The following SDHB variants were observed in gnomAD, a reference collection of about 807,000 sequenced individuals.
SDHB encodes succinate dehydrogenase complex iron sulfur subunit B.
SDHB carries 21 observed loss-of-function variants against 39.7 expected under a neutral mutation model. That is an observed-to-expected ratio of 0.53 (90% confidence interval 0.37 to 0.76). SDHB has a LOEUF of 0.76. Among genes scored for constraint, SDHB ranks in the 30% least tolerant of loss-of-function variants. SDHB has a pLI of 0.00. For synonymous variants in SDHB, 118 were observed against 117.0 expected, an observed-to-expected ratio of 1.01 and a Z score of -0.06; for missense variants, 343 against 350.9, an observed-to-expected ratio of 0.98 and a Z score of 0.18.
rs1332746573 is a variant in SDHB at position 17,044,742 on chromosome 1, C to T, written c.200+19G>A. The stretch of plus-strand genomic sequence containing the variant: ...TCAAGAACTCTCCTTCAATAGCTGG[C>T]TTTCACAGAGATACTCACTTATTAA... On this transcript the variant is annotated intron_variant, in intron 2 of 7. Coordinates refer to ENST00000375499, the MANE Select transcript of SDHB (RefSeq NM_003000.3). 1 of 1,613,622 alleles carries T rather than the reference C, an allele frequency of 6.2e-7. No homozygotes were observed. Among genetic ancestry groups the T allele is most frequent in the Non-Finnish European group, 8.5e-7 (1 of 1,179,660 alleles).
At chr1:17,048,242 T>C (rs1263482969) in intron 1 of SDHB, among the ~76,000 whole-genome samples, 1 of 152,240 alleles carries the variant, frequency 6.6e-6, no homozygotes, top group Non-Finnish European at 1.5e-5. Flanking sequence ...TCATCTGGTA[T>C]GTAGCCTTTT....
At position 17,053,890 on chromosome 1, in the gene SDHB, C is replaced by T; in HGVS notation, c.72+58G>A. 4 of 1,307,392 alleles carry T rather than the reference C, an allele frequency of 3.1e-6. No homozygotes were observed. The Admixed American group carries it at 7.3e-5, about 24-fold the overall frequency. 81.0% of individuals were successfully genotyped at this position (1,307,392 alleles called of 1,614,324 possible). A position where few individuals can be genotyped will look rare whatever the true frequency, so the allele number is the denominator to read the frequency against. The stretch of plus-strand genomic sequence containing the variant: ...CTCAGTCTCTCCGCAGCCCCATCAG[C>T]TCCAGGCAGTCTCTGTGGCTTTCCT... On this transcript the variant is annotated intron_variant, in intron 1 of 7. Transcript: ENST00000375499.
intron 3 of SDHB, among the ~76,000 whole-genome samples, chr1:17,029,964 G>C (rs531293964): frequency 2.0e-5 from 3 of 152,202 alleles, no homozygotes; most frequent in Non-Finnish European, 4.4e-5. Context: ...CACTTTGGGA[G>C]GCTGAGGTGG....
chr1:17,050,414 C>T (rs1316765909), intron 1 of SDHB, among the ~76,000 whole-genome samples: 3 of 151,558 alleles, frequency 2.0e-5, no homozygotes, highest in South Asian at 2.1e-4. Flanking sequence ...TTTGGGAGGC[C>T]GAGGCAGGTG....
chr1:17,033,662 G>A (rs2078034665), intron 2 of SDHB, among the ~76,000 whole-genome samples: 1 of 152,256 alleles, frequency 6.6e-6, no homozygotes, highest in African/African-American at 2.4e-5. Flanking sequence ...GAGCATCCCT[G>A]GGCGTGGGAC....
intron 3 of SDHB, among the ~76,000 whole-genome samples, chr1:17,030,030 T>C (rs1160886960): frequency 3.3e-5 from 5 of 152,190 alleles, no homozygotes; most frequent in Non-Finnish European, 7.4e-5. Flanking sequence ...GGTAACCCCC[T>C]GTCTCTACTA....
intron 5 of SDHB, among the ~76,000 whole-genome samples, chr1:17,026,850 C>CA (rs2077994236): frequency 6.6e-6 from 1 of 152,202 alleles, no homozygotes; most frequent in Non-Finnish European, 1.5e-5. Flanking sequence ...CTCAGACTCT[C>CA]AAACTCCTGG....
intron 7 of SDHB, among the ~76,000 whole-genome samples, chr1:17,021,192 T>C (rs1219358821): frequency 1.3e-5 from 2 of 152,218 alleles, no homozygotes; most frequent in African/African-American, 4.8e-5. Context: ...TGCAACAGTA[T>C]TGAGAGGTGG....
chr1:17,041,708 A>G (rs140120552), intron 2 of SDHB, among the ~76,000 whole-genome samples: 4 of 152,182 alleles, frequency 2.6e-5, no homozygotes, highest in Non-Finnish European at 1.5e-5. Context: ...AATATGCTGT[A>G]GAGAATCTGG....
chr1:17,028,803 C>A (rs778450044), intron 3 of SDHB, 67 bp from the exon 4 acceptor site: 36 of 1,579,946 alleles, frequency 2.3e-5, no homozygotes, highest in Middle Eastern at 1.7e-4. Flanking sequence ...CAAATACTTT[C>A]TTCTGGATCC....
At chr1:17,040,175 A>G (rs1384989383) in intron 2 of SDHB, among the ~76,000 whole-genome samples, 4 of 152,188 alleles carry the variant, frequency 2.6e-5, no homozygotes, top group Non-Finnish European at 2.9e-5. Context: ...ATGAGAAGTC[A>G]GCAATTTTTC....
At chr1:17,026,917 C>T (rs1041350818) in intron 5 of SDHB, among the ~76,000 whole-genome samples, 1 of 152,174 alleles carries the variant, frequency 6.6e-6, no homozygotes, top group Non-Finnish European at 1.5e-5. Context: ...CAGAATGCAC[C>T]ACTGCATCTG....
intron 5 of SDHB, among the ~76,000 whole-genome samples, chr1:17,027,178 GAA>G (rs2077995618): frequency 6.6e-6 from 1 of 152,150 alleles, no homozygotes; most frequent in African/African-American, 2.4e-5. Context: ...TGTAGAAGAA[GAA>G]AGACTGAAAA....
intron 2 of SDHB, among the ~76,000 whole-genome samples, chr1:17,042,527 T>C (rs979326123): frequency 3.3e-5 from 5 of 152,158 alleles, no homozygotes; most frequent in African/African-American, 9.7e-5. Context: ...CCTGTAATCC[T>C]AGGACTTTGG....
chr1:17,047,621 T>C (rs1188679031), intron 1 of SDHB, among the ~76,000 whole-genome samples: 1 of 151,128 alleles, frequency 6.6e-6, no homozygotes, highest in Non-Finnish European at 1.5e-5. Flanking sequence ...AGGTAAAGGT[T>C]GCAGTGAGCT....
chr1:17,025,679 G>C (rs1301241259), intron 5 of SDHB, among the ~76,000 whole-genome samples: 3 of 152,030 alleles, frequency 2.0e-5, no homozygotes, highest in Non-Finnish European at 4.4e-5. Flanking sequence ...ATTTTGGTTT[G>C]GGGGCTGCCC....
chr1:17,046,503 T>C (rs535510318), intron 1 of SDHB, among the ~76,000 whole-genome samples: 11 of 152,182 alleles, frequency 7.2e-5, no homozygotes, highest in Non-Finnish European at 1.6e-4. Context: ...AAAGGTCTTT[T>C]GTGCCCTTGA....
At chr1:17,047,938 C>T (rs771771503) in intron 1 of SDHB, among the ~76,000 whole-genome samples, 41 of 152,122 alleles carry the variant, frequency 2.7e-4, no homozygotes, top group Non-Finnish European at 4.6e-4. Flanking sequence ...CCTGGCCCTC[C>T]CGAAGAGTTG....
intron 7 of SDHB, among the ~76,000 whole-genome samples, chr1:17,020,815 T>C (rs1453620272): frequency 2.0e-5 from 3 of 152,186 alleles, no homozygotes; most frequent in Non-Finnish European, 1.5e-5. Flanking sequence ...AGGACCCAGA[T>C]GGAAGCCCAG....
Sources: allele counts gnomAD v4.1 joint callset (sites outside exome capture counted in the v4.1 genomes callset), GRCh38; gene constraint gnomAD v4.1.1; transcripts MANE v1.5; gene names NCBI Gene and HGNC (gene_info 2026-07-23, HGNC 2026-07-21).